The following GRID2 variants were observed in gnomAD, a reference collection of about 807,000 sequenced individuals.
The protein encoded by GRID2 is glutamate ionotropic receptor delta type subunit 2.
A neutral mutation model predicts 114.8 loss-of-function variants in GRID2; 33 were observed. That is an observed-to-expected ratio of 0.29 (90% CI 0.22 to 0.38). GRID2 has a LOEUF of 0.38. GRID2 is among the 10% of genes least tolerant of loss of function. The pLI is 1.00. For missense variants in GRID2, 1,184 were observed against 1,257.7 expected (o/e 0.94, Z 0.89); for synonymous variants, 505 against 449.9 (o/e 1.12, Z -1.55).
chr4:92,849,001 C>T (rs919568881), intron 2 of GRID2, among the ~76,000 whole-genome samples: 4 of 151,866 alleles, frequency 2.6e-5, no homozygotes, highest in African/African-American at 9.7e-5. Flanking sequence ...TTTCTGTTAT[C>T]TAAGCCACTC....
At chr4:92,503,821 T>C (rs182394180) in intron 1 of GRID2, among the ~76,000 whole-genome samples, 21 of 152,250 alleles carry the variant, frequency 1.4e-4, no homozygotes, top group Non-Finnish European at 2.4e-4. Flanking sequence ...TGCCCAGGGA[T>C]CTCTAACAGA....
intron 2 of GRID2, among the ~76,000 whole-genome samples, chr4:92,715,886 C>T (rs542048278): frequency 6.6e-6 from 1 of 152,218 alleles, no homozygotes; most frequent in African/African-American, 2.4e-5. Context: ...TATAATCAAA[C>T]AATTGACTTT....
chr4:93,352,159 A>C (rs1028889376), intron 8 of GRID2, among the ~76,000 whole-genome samples: 4 of 152,052 alleles, frequency 2.6e-5, no homozygotes, highest in Admixed American at 1.3e-4. Context: ...TGTATGCTAT[A>C]ATTCCAAGCC....
intron 1 of GRID2, among the ~76,000 whole-genome samples, chr4:92,534,956 G>C (rs1033485450): frequency 6.6e-6 from 1 of 152,024 alleles, no homozygotes; most frequent in East Asian, 1.9e-4. Context: ...CAAAATACAG[G>C]TTACATGTTT....
intron 13 of GRID2, among the ~76,000 whole-genome samples, chr4:93,556,618 G>A (rs568346942): frequency 3.3e-5 from 5 of 152,260 alleles, no homozygotes; most frequent in African/African-American, 9.6e-5. Context: ...CCAAACCTAC[G>A]TTTGACTGGT....
rs1371697391 is a variant in GRID2 at position 93,423,068 on chromosome 4, AAAT to A, written c.1545+103_1545+105del. ...AACACCTTGAAGCTGATTTCATATA[AAAT>A]AAGTGTGATGTATTTAGGTTGGTTA... On this transcript the variant is annotated intron_variant, in intron 10 of 15. Coordinates refer to ENST00000282020, the MANE Select transcript of GRID2 (RefSeq NM_001510.4). The A allele has an allele frequency of 1.4e-5, 11 of 790,394 alleles. No individual in the cohort carries two copies. The African/African-American group carries it at 1.9e-4, about 14-fold the overall frequency. 49.0% of individuals were successfully genotyped at this position (790,394 alleles called of 1,614,324 possible). A position where few individuals can be genotyped will look rare whatever the true frequency, so the allele number is the denominator to read the frequency against.
At chr4:92,884,960 G>T in intron 2 of GRID2, 1 of 315,212 alleles carries the variant, frequency 3.2e-6, no homozygotes. Context: ...GCATCTAAAA[G>T]GCAAAGTGTT....
At chr4:92,655,507 G>A (rs936464393) in intron 2 of GRID2, among the ~76,000 whole-genome samples, 8 of 151,886 alleles carry the variant, frequency 5.3e-5, no homozygotes, top group Middle Eastern at 3.4e-3. Context: ...TGATCTGTGA[G>A]CATGGGTTGT....
intron 1 of GRID2, among the ~76,000 whole-genome samples, chr4:92,578,725 T>TATCAATCA (rs80304481): frequency 0.13 from 19,311 of 149,244 alleles, 1,295 homozygotes; most frequent in African/African-American, 0.16. Flanking sequence ...ATTATCTATC[T>TATCAATCA]ATCTATCAAT....
At chr4:93,195,129 A>G (rs1025919708) in intron 4 of GRID2, among the ~76,000 whole-genome samples, 1 of 152,144 alleles carries the variant, frequency 6.6e-6, no homozygotes, top group African/African-American at 2.4e-5. Flanking sequence ...TATTTTAACT[A>G]TAGGACTACT....
intron 2 of GRID2, among the ~76,000 whole-genome samples, chr4:92,828,063 T>C (rs1741852210): frequency 6.6e-6 from 1 of 152,028 alleles, no homozygotes; most frequent in Non-Finnish European, 1.5e-5. Flanking sequence ...TTGACTTCAA[T>C]CTCCAACTAA....
At position 92,674,242 on chromosome 4, in the gene GRID2, T is replaced by A. The variant is rs571746035; in HGVS notation, c.244+83956T>A. Among the ~76,000 whole-genome samples the A allele has an allele frequency of 2.6e-5, 4 of 152,218 alleles. No individual in the cohort carries two copies. In the East Asian group the frequency reaches 7.8e-4, roughly 29 times the overall value. On this transcript the variant is annotated intron_variant, in intron 2 of 15. Coordinates refer to ENST00000282020, the MANE Select transcript of GRID2 (RefSeq NM_001510.4). ...TTTTGAACCTTATTTTCTCTCTCCT[T>A]CCTCTAGGACTTCATTACGAGCATG...
intron 2 of GRID2, among the ~76,000 whole-genome samples, chr4:92,642,385 A>C (rs1315713181): frequency 6.6e-6 from 1 of 151,784 alleles, no homozygotes; most frequent in Non-Finnish European, 1.5e-5. Flanking sequence ...CATTTCTCTA[A>C]TTCGTGATGA....
intron 11 of GRID2, among the ~76,000 whole-genome samples, chr4:93,467,489 T>C (rs1303420186): frequency 6.6e-6 from 1 of 152,212 alleles, no homozygotes; most frequent in Non-Finnish European, 1.5e-5. Flanking sequence ...TACAAAGCTA[T>C]AAGGAATTGT....
intron 13 of GRID2, among the ~76,000 whole-genome samples, chr4:93,516,520 T>A (rs1301928992): frequency 6.6e-6 from 1 of 152,152 alleles, no homozygotes; most frequent in Non-Finnish European, 1.5e-5. Context: ...ATGTTAGCAA[T>A]GGCCTCTATC....
At chr4:92,447,038 T>A (rs543030583) in intron 1 of GRID2, among the ~76,000 whole-genome samples, 1 of 152,336 alleles carries the variant, frequency 6.6e-6, no homozygotes, top group East Asian at 1.9e-4. Flanking sequence ...CAGAATCCTA[T>A]GATTCTATGT....
At chr4:92,355,682 TCA>T (rs1285171954) in intron 1 of GRID2, among the ~76,000 whole-genome samples, 1 of 151,808 alleles carries the variant, frequency 6.6e-6, no homozygotes, top group Non-Finnish European at 1.5e-5. Context: ...AAATTAATTC[TCA>T]GTTTCAATAT....
intron 2 of GRID2, among the ~76,000 whole-genome samples, chr4:92,699,870 T>C (rs369253050): frequency 6.6e-6 from 1 of 152,202 alleles, no homozygotes; most frequent in Non-Finnish European, 1.5e-5. Context: ...CCCTTTTAGA[T>C]CTGATTTACA....
At chr4:92,912,146 G>A (rs946770637) in intron 2 of GRID2, among the ~76,000 whole-genome samples, 3 of 151,734 alleles carry the variant, frequency 2.0e-5, no homozygotes, top group Non-Finnish European at 3.0e-5. Context: ...AATCTATACA[G>A]GATATTATAT....
Sources: gnomAD v4.1 joint callset for allele counts (sites outside exome capture counted in the v4.1 genomes callset) on GRCh38, gnomAD v4.1.1 for gene constraint, MANE v1.5 for transcripts, NCBI Gene and HGNC (gene_info 2026-07-23, HGNC 2026-07-21) for gene names.